The following CALN1 variants were observed in gnomAD, a reference collection of about 807,000 sequenced individuals.
CALN1 encodes the protein calcium-binding protein 8.
Under a neutral mutation model 30.6 loss-of-function variants are expected in CALN1, and 17 were observed. The observed-to-expected ratio is 0.56, with a 90% confidence interval of 0.38 to 0.83. The LOEUF (loss-of-function observed/expected upper bound fraction) is 0.83, where lower values mean the gene tolerates loss of function less well. Ranked by LOEUF, CALN1 falls within the 40% of genes least tolerant of loss-of-function variation. The probability of loss-of-function intolerance (pLI) is 0.00; values close to 1 mark genes in which losing one functional copy is unlikely to be tolerated. For synonymous variants in CALN1, 156 were observed against 131.4 expected (o/e 1.19, Z -1.28); for missense variants, 291 against 354.9 (o/e 0.82, Z 1.45).
chr7:72,168,312 T>A (rs1788676730), intron 3 of CALN1, among the ~76,000 whole-genome samples: 1 of 152,064 alleles, frequency 6.6e-6, no homozygotes, highest in Non-Finnish European at 1.5e-5. Flanking sequence ...CGATCTATAA[T>A]CTGTAGGGTG....
intron 5 of CALN1, among the ~76,000 whole-genome samples, chr7:71,879,558 G>C (rs933084751): frequency 6.6e-6 from 1 of 152,216 alleles, no homozygotes; most frequent in African/African-American, 2.4e-5. Context: ...CCCTCCTGTT[G>C]TTACTTCCCC....
intron 5 of CALN1, among the ~76,000 whole-genome samples, chr7:71,984,484 C>T (rs844699): frequency 6.6e-6 from 1 of 152,032 alleles, no homozygotes. Context: ...GAATTTGAGT[C>T]ATGTATAGAA....
At chr7:72,115,287 G>C (rs1038251927) in intron 3 of CALN1, among the ~76,000 whole-genome samples, 10 of 147,398 alleles carry the variant, frequency 6.8e-5, no homozygotes, top group Non-Finnish European at 1.3e-4. Flanking sequence ...TAGATGGAGG[G>C]GTGGATACAC....
chr7:72,447,700 TG>T (rs1259608729), upstream of CALN1, among the ~76,000 whole-genome samples: 4 of 150,208 alleles, frequency 2.7e-5, no homozygotes, highest in Admixed American at 1.3e-4. Flanking sequence ...TATACATACG[TG>T]CCTGCCCATG....
intron 3 of CALN1, among the ~76,000 whole-genome samples, chr7:72,275,971 G>A (rs1260052668): frequency 2.0e-5 from 3 of 152,062 alleles, no homozygotes; most frequent in African/African-American, 7.2e-5. Flanking sequence ...GAATTTAACA[G>A]TGAAAAAAGC....
intron 3 of CALN1, among the ~76,000 whole-genome samples, chr7:72,150,411 T>G (rs1309632521): frequency 6.6e-6 from 1 of 152,192 alleles, no homozygotes; most frequent in African/African-American, 2.4e-5. Flanking sequence ...TACTCACAAG[T>G]AAACAAGAAG....
intron 4 of CALN1, among the ~76,000 whole-genome samples, chr7:72,101,372 C>G (rs1273157664): frequency 6.6e-6 from 1 of 152,116 alleles, no homozygotes; most frequent in Non-Finnish European, 1.5e-5. Context: ...AAATGTATCT[C>G]TGAAATAATG....
the CALN1 span, among the ~76,000 whole-genome samples, chr7:72,457,851 G>A: frequency 6.6e-6 from 1 of 151,082 alleles, no homozygotes; most frequent in African/African-American, 2.4e-5. Flanking sequence ...GACCTCTCAG[G>A]CTCAAGTGAT....
intron 5 of CALN1, among the ~76,000 whole-genome samples, chr7:71,898,574 A>T (rs776688703): frequency 1.3e-4 from 20 of 152,152 alleles, no homozygotes; most frequent in Non-Finnish European, 2.5e-4. Flanking sequence ...GGCAGAAGCA[A>T]TATGTGGGGG....
intron 4 of CALN1, among the ~76,000 whole-genome samples, chr7:72,061,796 CAAAAAAAAA>C (rs1161510912): frequency 3.5e-5 from 3 of 85,132 alleles, no homozygotes; most frequent in African/African-American, 9.5e-5. Flanking sequence ...GACTCTGTCT[CAAAAAAAAA>C]AAAAAAAAAA....
At chr7:71,992,676 T>C (rs919147417) in intron 5 of CALN1, among the ~76,000 whole-genome samples, 1 of 152,240 alleles carries the variant, frequency 6.6e-6, no homozygotes, top group Non-Finnish European at 1.5e-5. Flanking sequence ...AACTTTTAAC[T>C]TGAGAGCACT....
chr7:71,849,878 C>T (rs1254180376), intron 5 of CALN1, among the ~76,000 whole-genome samples: 1 of 152,074 alleles, frequency 6.6e-6, no homozygotes, highest in African/African-American at 2.4e-5. Flanking sequence ...AGCAATCCTC[C>T]CGCCCAGGCC....
chr7:72,170,778 C>T (rs78743496), intron 3 of CALN1, among the ~76,000 whole-genome samples: 4,070 of 152,190 alleles, frequency 0.027, 195 homozygotes, highest in African/African-American at 0.093. Flanking sequence ...GTATATTCTA[C>T]CATAGATTTG....
intron 3 of CALN1, among the ~76,000 whole-genome samples, chr7:72,264,903 A>T (rs191076554): frequency 6.6e-6 from 1 of 152,250 alleles, no homozygotes; most frequent in Admixed American, 6.5e-5. Context: ...TGTTCTCATC[A>T]TTTAGCTCCA....
chr7:71,889,039 T>A (rs17144089), intron 5 of CALN1, among the ~76,000 whole-genome samples: 17,785 of 152,096 alleles, frequency 0.12, 1,494 homozygotes, highest in East Asian at 0.43. Context: ...GAACAGAAAA[T>A]GTACAGGCTG....
chr7:72,367,192 A>T (rs1803928030), intron 2 of CALN1, among the ~76,000 whole-genome samples: 1 of 152,192 alleles, frequency 6.6e-6, no homozygotes, highest in South Asian at 2.1e-4. Context: ...GGTTGGGACT[A>T]GAAGCAGATA....
chr7:72,199,033 G>T (rs909098580), intron 3 of CALN1, among the ~76,000 whole-genome samples: 1 of 152,168 alleles, frequency 6.6e-6, no homozygotes, highest in African/African-American at 2.4e-5. Context: ...CCAGCACGTT[G>T]GGAGGCAGAG....
At chr7:72,341,164 T>C (rs1562906007) in intron 2 of CALN1, among the ~76,000 whole-genome samples, 1 of 152,228 alleles carries the variant, frequency 6.6e-6, no homozygotes, top group Non-Finnish European at 1.5e-5. Flanking sequence ...CTGCATCATC[T>C]AACAATCTGT....
intron 5 of CALN1, among the ~76,000 whole-genome samples, chr7:71,930,951 T>TTGGTTG (rs1795519311): frequency 6.6e-6 from 1 of 152,232 alleles, no homozygotes; most frequent in Non-Finnish European, 1.5e-5. Flanking sequence ...ACACCGTACA[T>TTGGTTG]GTTTCTAGAC....
Sources: gnomAD v4.1 joint callset for allele counts (sites outside exome capture counted in the v4.1 genomes callset) on GRCh38, gnomAD v4.1.1 for gene constraint, MANE v1.5 for transcripts, NCBI Gene and HGNC (gene_info 2026-07-23, HGNC 2026-07-21) for gene names.